The following SMG6 variants were observed in gnomAD, a reference collection of about 807,000 sequenced individuals.
SMG6 encodes SMG6 nonsense mediated mRNA decay factor.
In SMG6, 66 loss-of-function variants were observed where a neutral mutation model predicts 142.2. The observed-to-expected ratio is 0.46, with a 90% CI of 0.38 to 0.57. The LOEUF (loss-of-function observed/expected upper bound fraction) is 0.57. SMG6 is among the 20% of genes least tolerant of loss of function. SMG6 has a pLI of 0.00. For missense variants in SMG6, 1,793 were observed against 1,832.0 expected, an observed-to-expected ratio of 0.98 and a Z score of 0.39; for synonymous variants, 779 against 702.4, an observed-to-expected ratio of 1.11 and a Z score of -1.72.
At chr17:2,192,212 T>C (rs1280363143) in intron 10 of SMG6, among the ~76,000 whole-genome samples, 3 of 152,202 alleles carry the variant, frequency 2.0e-5, no homozygotes, top group Admixed American at 6.5e-5. Context: ...CAAGGGATGG[T>C]GGTTCAGAAC....
rs375507132 is a variant in SMG6, at chr17:2,249,044, G to A, written c.2662-4325C>T. ...TGGGACTACAGGCGCCCGCCACCACGCCCCGTTAATTTTTTTTTTTTTGTA... is the reference window on the plus strand; with the variant it reads ...TGGGACTACAGGCGCCCGCCACCACACCCCGTTAATTTTTTTTTTTTTGTA... On this transcript the variant is annotated intron_variant, in intron 8 of 18. Transcript: ENST00000263073. Among the ~76,000 whole-genome samples, 1,121 of 151,200 alleles carry A rather than the reference G, an allele frequency of 7.4e-3. 11 individuals carry two copies. The highest frequency in any genetic ancestry group is 0.011 in the Non-Finnish European group (750 of 67,894).
At chr17:2,102,943 C>T (rs1229173679) in intron 13 of SMG6, among the ~76,000 whole-genome samples, 2 of 152,182 alleles carry the variant, frequency 1.3e-5, no homozygotes, top group East Asian at 1.9e-4. Context: ...TCTTCAATTC[C>T]ACCCATGTTG....
chr17:2,064,854 C>G (rs978861924), intron 18 of SMG6, among the ~76,000 whole-genome samples: 1 of 151,576 alleles, frequency 6.6e-6, no homozygotes, highest in Admixed American at 6.6e-5. Flanking sequence ...GCTTCCTGGG[C>G]TAGGCTCATC....
chr17:2,188,640 G>C, intron 10 of SMG6, 125 bp from the exon 11 acceptor site: 2 of 753,644 alleles, frequency 2.7e-6, no homozygotes, highest in Non-Finnish European at 4.4e-6. Context: ...TCTCAGAGTG[G>C]TCATAAGGCC....
chr17:2,061,497 C>T lies in SMG6; in HGVS notation c.4255G>A (p.Gly1419Ser). 6.4e-7 allele frequency: 1 copy of T among 1,571,442 alleles called. No individual in the cohort carries two copies. The highest frequency in any genetic ancestry group is 8.6e-7 in the Non-Finnish European group (1 of 1,159,622). The change falls in exon 19 of 19, where the codon GGC becomes AGC. Residue 1419 changes from glycine (G) to serine (S), a missense_variant. This residue lies in a region of SMG6 where 179 missense variants were observed against 212.6 expected (regional missense o/e 0.84). Coordinates refer to ENST00000263073, the MANE Select transcript of SMG6 (RefSeq NM_017575.5). The part of the protein sequence containing the change: ...IPAFLTWAQV[G>S] ...GGGGCCCCAGTGTGGCTCCCTCAGC[C>T]CACCTGGGCCCACGTGAGGAAGGCT...
At chr17:2,287,189 G>C (rs998108170) in intron 6 of SMG6, among the ~76,000 whole-genome samples, 1 of 152,144 alleles carries the variant, frequency 6.6e-6, no homozygotes, top group Non-Finnish European at 1.5e-5. Context: ...AAAGTGCTGG[G>C]ATTACAGGCG....
chr17:2,065,248 G>C (rs2067907007), intron 17 of SMG6, 94 bp from the exon 18 acceptor site: 2 of 1,161,406 alleles, frequency 1.7e-6, no homozygotes, highest in South Asian at 2.7e-5. Context: ...GCCCTGGGCA[G>C]GGCCACCTCC....
chr17:2,132,034 T>C (rs2070138126), intron 13 of SMG6, among the ~76,000 whole-genome samples: 1 of 151,788 alleles, frequency 6.6e-6, no homozygotes, highest in African/African-American at 2.4e-5. Context: ...ATGGCACCAC[T>C]GCACTCCAGC....
chr17:2,260,329 C>A (rs934700139), intron 8 of SMG6, among the ~76,000 whole-genome samples: 3 of 152,180 alleles, frequency 2.0e-5, no homozygotes, highest in African/African-American at 4.8e-5. Flanking sequence ...ACTTTCCCCC[C>A]CCACAGCCAG....
chr17:2,182,613 A>T (rs1405981241), intron 12 of SMG6, among the ~76,000 whole-genome samples: 1 of 152,120 alleles, frequency 6.6e-6, no homozygotes, highest in African/African-American at 2.4e-5. Context: ...TTCCCTCTGG[A>T]GGTTACCCAT....
chr17:2,210,044 G>C (rs1441281755), intron 10 of SMG6, among the ~76,000 whole-genome samples: 4 of 152,130 alleles, frequency 2.6e-5, no homozygotes, highest in Non-Finnish European at 4.4e-5. Flanking sequence ...CTACTTGGTG[G>C]GGAGAGAGAG....
intron 1 of SMG6, among the ~76,000 whole-genome samples, chr17:2,301,276 T>C (rs1036395614): frequency 5.3e-5 from 8 of 152,204 alleles, no homozygotes; most frequent in Admixed American, 2.6e-4. Flanking sequence ...CCAAATAACA[T>C]ACCTGCTGGT....
intron 10 of SMG6, among the ~76,000 whole-genome samples, chr17:2,219,803 C>CAAAA (rs72234069): frequency 2.4e-4 from 28 of 117,970 alleles, no homozygotes; most frequent in Non-Finnish European, 2.8e-4. Flanking sequence ...GACCCTTTAT[C>CAAAA]AAAAAAAAAA....
At position 2,172,796 on chromosome 17, in the gene SMG6, C is replaced by T; in HGVS notation, c.3219G>A (p.Gln1073=). The T allele has an allele frequency of 6.2e-7, 1 of 1,614,180 alleles. No individual in the cohort carries two copies. Among genetic ancestry groups the T allele is most frequent in the Non-Finnish European group, 8.5e-7 (1 of 1,180,032 alleles). The change falls in exon 13 of 19, where the codon CAG becomes CAA. Residue 1073 remains glutamine, a synonymous_variant. Coordinates refer to ENST00000263073, the MANE Select transcript of SMG6 (RefSeq NM_017575.5). The stretch of plus-strand genomic sequence containing the variant: ...GGTCCTTGTACAGTGGCACCTCAGA[C>T]TGATTCACTGCAGTCAGTATGTTAC... The part of the protein sequence containing the change: ...DFCNILTAVN[Q]SEVPLYKDPD...
rs772082851 is a variant in SMG6, at chr17:2,104,548, G to GA, written c.3358-18648dup. On this transcript the variant is annotated intron_variant, in intron 13 of 18. Coordinates refer to ENST00000263073, the MANE Select transcript of SMG6 (RefSeq NM_017575.5). ...GCTCTTTAAAGAGGTTAAGGGGGTT[G>GA]AAAAAAAAAAAGGTTCAGGGTAGTG... is the stretch of plus-strand genomic sequence containing the variant. 1.2e-3 allele frequency among the ~76,000 whole-genome samples: 169 copies of GA among 144,042 alleles called. 1 individual carries two copies. The highest frequency in any genetic ancestry group is 5.4e-3 in the East Asian group (27 of 4,986). 94.5% of individuals were successfully genotyped at this position (144,042 alleles called of 152,430 possible).
At chr17:2,289,820 G>T (rs76206946) in intron 6 of SMG6, among the ~76,000 whole-genome samples, 1 of 151,814 alleles carries the variant, frequency 6.6e-6, no homozygotes, top group Admixed American at 6.6e-5. Flanking sequence ...GGCTGAGGCA[G>T]GAGAATAGCT....
At chr17:2,153,299 A>C (rs1365764914) in intron 13 of SMG6, among the ~76,000 whole-genome samples, 1 of 152,204 alleles carries the variant, frequency 6.6e-6, no homozygotes, top group Admixed American at 6.5e-5. Context: ...GTATGATTTT[A>C]TTTATACGTC....
chr17:2,295,972 T>C (rs2075134405), intron 4 of SMG6, among the ~76,000 whole-genome samples: 1 of 152,148 alleles, frequency 6.6e-6, no homozygotes. Context: ...TGTCTTCTCT[T>C]TCCCATCTCC....
At chr17:2,098,580 T>C (rs940646013) in intron 13 of SMG6, among the ~76,000 whole-genome samples, 2 of 152,190 alleles carry the variant, frequency 1.3e-5, no homozygotes, top group Admixed American at 1.3e-4. Flanking sequence ...CTTTGGATCC[T>C]AAATTTTTCA....
Sources: gnomAD v4.1 joint callset for allele counts (sites outside exome capture counted in the v4.1 genomes callset) on GRCh38, gnomAD v4.1.1 for gene constraint, gnomAD v4.1.1 regional missense constraint, MANE v1.5 for transcripts, NCBI Gene and HGNC (gene_info 2026-07-23, HGNC 2026-07-21) for gene names.